The following SNTG1 variants were observed in gnomAD, a reference collection of about 807,000 sequenced individuals.
SNTG1 encodes gamma-1-syntrophin.
A neutral mutation model predicts 74.7 loss-of-function variants in SNTG1; 39 were observed. The ratio of observed to expected loss-of-function variants is 0.52; its 90% confidence interval spans 0.40 to 0.68. SNTG1 has a LOEUF of 0.68. Ranked by LOEUF, SNTG1 falls within the 30% of genes least tolerant of loss-of-function variation. The pLI, the probability that SNTG1 is intolerant of heterozygous loss-of-function variation, is 0.00. For missense variants in SNTG1, 685 were observed against 609.5 expected (o/e 1.12, Z -1.30); for synonymous variants, 254 against 217.1 (o/e 1.17, Z -1.49).
intron 18 of SNTG1, among the ~76,000 whole-genome samples, chr8:50,782,999 C>T (rs574376905): frequency 3.3e-5 from 5 of 152,246 alleles, no homozygotes; most frequent in East Asian, 1.9e-4. Flanking sequence ...GTACCAGCAG[C>T]GGTGGCTGCA....
intron 13 of SNTG1, among the ~76,000 whole-genome samples, chr8:50,598,424 G>A (rs1025126215): frequency 6.6e-6 from 1 of 151,790 alleles, no homozygotes; most frequent in African/African-American, 2.4e-5. Context: ...TTTCTTTTCT[G>A]TTCCATTGGT....
intron 18 of SNTG1, among the ~76,000 whole-genome samples, chr8:50,757,916 A>G (rs2095585533): frequency 6.6e-6 from 1 of 151,948 alleles, no homozygotes; most frequent in South Asian, 2.1e-4. Flanking sequence ...CGCCTTCAAA[A>G]CAACACTACA....
rs368222647 is a variant in SNTG1, at chr8:50,191,435, T to A, written c.-28+18800T>A. 4.6e-5 allele frequency among the ~76,000 whole-genome samples: 7 copies of A among 152,286 alleles called. No individual in the cohort carries two copies. In the South Asian group the frequency reaches 1.4e-3, roughly 32 times the overall value. ...GGTGAATCAGTAAGTAGTGTTCCAT[T>A]GATTCACAAGAGCACTACTGGAAAT... On this transcript the variant is annotated intron_variant, in intron 2 of 18. Transcript: ENST00000642720.
intron 13 of SNTG1, among the ~76,000 whole-genome samples, chr8:50,618,545 G>T (rs186122990): frequency 6.6e-6 from 1 of 152,294 alleles, no homozygotes; most frequent in East Asian, 1.9e-4. Context: ...CATTACATAA[G>T]CTCACAGTTC....
chr8:50,306,532 T>C lies in SNTG1; in HGVS notation c.-27-87680T>C, dbSNP rs2089903880. On this transcript the variant is annotated intron_variant, in intron 2 of 18. Coordinates refer to ENST00000642720, the MANE Select transcript of SNTG1 (RefSeq NM_018967.5). Reference sequence around the variant, plus strand: ...CTCAAAAGCAGTGTATAAGTGTTCCTTTTTTACCACATCCACACCAACATC... The same window carrying C: ...CTCAAAAGCAGTGTATAAGTGTTCCCTTTTTACCACATCCACACCAACATC... Among the ~76,000 whole-genome samples, 6 of 152,222 alleles carry C rather than the reference T, an allele frequency of 3.9e-5. No individual in the cohort carries two copies. In the South Asian group the frequency reaches 1.2e-3, roughly 31 times the overall value.
chr8:50,504,457 G>A (rs1466900680), intron 9 of SNTG1, among the ~76,000 whole-genome samples: 3 of 152,080 alleles, frequency 2.0e-5, no homozygotes, highest in Admixed American at 2.0e-4. Flanking sequence ...GAATTGAATT[G>A]CTGAGTGACT....
At chr8:50,256,658 A>G (rs2086896577) in intron 2 of SNTG1, among the ~76,000 whole-genome samples, 1 of 152,142 alleles carries the variant, frequency 6.6e-6, no homozygotes, top group South Asian at 2.1e-4. Flanking sequence ...GAAAATTTTA[A>G]AAAGAAAGTT....
chr8:50,762,023 C>T (rs2095600483), intron 18 of SNTG1, among the ~76,000 whole-genome samples: 1 of 151,974 alleles, frequency 6.6e-6, no homozygotes, highest in South Asian at 2.1e-4. Flanking sequence ...ATAAAGTAGA[C>T]ATTGCTACCT....
intron 4 of SNTG1, among the ~76,000 whole-genome samples, chr8:50,418,626 T>G (rs2093043026): frequency 6.6e-6 from 1 of 152,120 alleles, no homozygotes; most frequent in South Asian, 2.1e-4. Flanking sequence ...TTGTACAATA[T>G]CTGCAGTTGG....
chr8:50,254,948 CTTTT>C (rs4006072), intron 2 of SNTG1, among the ~76,000 whole-genome samples: 185 of 85,286 alleles, frequency 2.2e-3, no homozygotes, highest in African/African-American at 6.0e-3. Context: ...TTTATTGCCA[CTTTT>C]TTTTTTTTTT....
rs938833578 is a variant in SNTG1 at position 50,795,763 on chromosome 8, T to C, written c.*2934T>C. 4 of 152,114 alleles carry C rather than the reference T, an allele frequency of 2.6e-5. No homozygotes were observed. The highest frequency in any genetic ancestry group is 9.6e-5 in the African/African-American group (4 of 41,452). 9.4% of individuals were successfully genotyped at this position (152,114 alleles called of 1,614,324 possible). ...ATAACAATTCATCTAAGTCGAAGTA[T>C]ATTACAGAAAGGGCATTTATAATTT... On this transcript the variant is annotated 3_prime_UTR_variant, in exon 19 of 19. Coordinates refer to ENST00000642720, the MANE Select transcript of SNTG1 (RefSeq NM_018967.5).
intron 12 of SNTG1, among the ~76,000 whole-genome samples, chr8:50,576,471 T>G (rs1054950456): frequency 2.0e-5 from 3 of 152,142 alleles, no homozygotes; most frequent in African/African-American, 7.2e-5. Context: ...TCCACGCAAA[T>G]TTTTGGATAG....
At chr8:50,382,627 C>G (rs1250450586) in intron 2 of SNTG1, among the ~76,000 whole-genome samples, 1 of 152,090 alleles carries the variant, frequency 6.6e-6, no homozygotes, top group Non-Finnish European at 1.5e-5. Context: ...TCAAAATAAA[C>G]TACTTTCAAT....
At chr8:50,084,098 T>C (rs1822651727) in intron 1 of SNTG1, among the ~76,000 whole-genome samples, 1 of 152,152 alleles carries the variant, frequency 6.6e-6, no homozygotes, top group Non-Finnish European at 1.5e-5. Context: ...AAAAGACACC[T>C]CTCACACTAA....
At chr8:50,551,374 A>G (rs962692854) in intron 11 of SNTG1, among the ~76,000 whole-genome samples, 1 of 152,186 alleles carries the variant, frequency 6.6e-6, no homozygotes, top group Admixed American at 6.5e-5. Context: ...ACTATGTAAC[A>G]TCTATAATTA....
At chr8:50,158,621 A>G (rs1047152138) in intron 1 of SNTG1, among the ~76,000 whole-genome samples, 3 of 152,202 alleles carry the variant, frequency 2.0e-5, no homozygotes, top group African/African-American at 7.2e-5. Flanking sequence ...CTATTTTTCC[A>G]CGTTGATTTA....
At position 50,735,052 on chromosome 8, in the gene SNTG1, TTTAA is replaced by T. The variant is rs575840018; in HGVS notation, c.1285-16942_1285-16939del. On this transcript the variant is annotated intron_variant, in intron 17 of 18. Coordinates refer to ENST00000642720, the MANE Select transcript of SNTG1 (RefSeq NM_018967.5). ...TTAAACAATTTTACAATTCAGTGGC[TTTAA>T]TTAATTTACACCACTGTATAATCAT... Among the ~76,000 whole-genome samples, 103 of 150,816 alleles carry T rather than the reference TTTAA, an allele frequency of 6.8e-4. 2 individuals are homozygous for T. Among genetic ancestry groups the T allele is most frequent in the Middle Eastern group, 6.9e-3 (2 of 288 alleles).
chr8:50,326,621 A>C (rs910268434), intron 2 of SNTG1, among the ~76,000 whole-genome samples: 2 of 149,660 alleles, frequency 1.3e-5, no homozygotes, highest in African/African-American at 4.9e-5. Context: ...TGTTTTACTA[A>C]TTTTATTGAT....
chr8:50,141,319 G>C lies in SNTG1; in HGVS notation c.-102-31242G>C, dbSNP rs115218284. On this transcript the variant is annotated intron_variant, in intron 1 of 18. Transcript: ENST00000642720. ...CCACCAGCAACCTGTAAGAGCTTCA[G>C]CTCTTCATCCTTGCCAACCCTTAGT... is the stretch of plus-strand genomic sequence containing the variant. Among the ~76,000 whole-genome samples the C allele has an allele frequency of 5.8e-3, 890 of 152,244 alleles. 10 individuals carry two copies. Among genetic ancestry groups the C allele is most frequent in the African/African-American group, 0.02 (819 of 41,542 alleles).
Sources: allele counts gnomAD v4.1 joint callset (sites outside exome capture counted in the v4.1 genomes callset), GRCh38; gene constraint gnomAD v4.1.1; transcripts MANE v1.5; gene names NCBI Gene and HGNC (gene_info 2026-07-23, HGNC 2026-07-21).